Variants in SMARCD3 observed in about 807,000 individuals in gnomAD.
SMARCD3 encodes SWI/SNF-related matrix-associated actin-dependent regulator of chromatin subfamily D member 3.
Under a neutral mutation model 58.0 loss-of-function variants are expected in SMARCD3, and 14 were observed. The observed-to-expected ratio is 0.24, with a 90% confidence interval of 0.16 to 0.38. The LOEUF is 0.38. Ranked by LOEUF, SMARCD3 falls within the 10% of genes least tolerant of loss-of-function variation. The pLI, the probability that SMARCD3 is intolerant of heterozygous loss-of-function variation, is 1.00. For synonymous variants in SMARCD3, 253 were observed against 253.8 expected, an observed-to-expected ratio of 1.00 and a Z score of 0.03; for missense variants, 408 against 636.9, an observed-to-expected ratio of 0.64 and a Z score of 3.87.
At chr7:151,271,835 G>A (rs1268722559) in intron 2 of SMARCD3, among the ~76,000 whole-genome samples, 1 of 152,070 alleles carries the variant, frequency 6.6e-6, no homozygotes. Context: ...TGTGGCTTAC[G>A]CTTGTAGTCC....
chr7:151,273,145 CA>C (rs1473272758), intron 2 of SMARCD3, among the ~76,000 whole-genome samples: 1 of 152,218 alleles, frequency 6.6e-6, no homozygotes, highest in Non-Finnish European at 1.5e-5. Context: ...AATGCAACTC[CA>C]AGATAAGATG....
At chr7:151,250,603 C>A (rs73169671), upstream of SMARCD3, among the ~76,000 whole-genome samples, 11,470 of 151,818 alleles carry the variant, frequency 0.076, 578 homozygotes, top group Non-Finnish European at 0.11. Context: ...CCACTTCCTC[C>A]AGGAAGCCTT....
In SMARCD3 at chr7:151,246,615, C is replaced by G. The variant is rs769290473; in HGVS notation, c.79-944G>C. On this transcript the variant is annotated intron_variant, in intron 1 of 12. Coordinates refer to ENST00000262188, the MANE Select transcript of SMARCD3 (RefSeq NM_001003801.2). The surrounding 1 kb of genome is among the most constrained non-coding windows in gnomAD (Gnocchi z 4.4). ...CCACCTCCTCCTCTTCCCATCCCCA[C>G]CCCAGTGAGGTCAGCAGTCAGGGTT... Among the ~76,000 whole-genome samples, 1 of 152,162 alleles carries G rather than the reference C, an allele frequency of 6.6e-6. No homozygotes were observed. Among genetic ancestry groups the G allele is most frequent in the Non-Finnish European group, 1.5e-5 (1 of 68,026 alleles).
Position 151,238,955 on chromosome 7 carries a change from C to A in SMARCD3, c.*148G>T. 9.2e-7 allele frequency: 1 copy of A among 1,085,002 alleles called. No individual in the cohort carries two copies. Among genetic ancestry groups the A allele is most frequent in the Non-Finnish European group, 1.4e-6 (1 of 721,830 alleles). The allele number at this position is 1,085,002 out of a possible 1,614,324, so 67.2% of individuals were successfully genotyped here. On this transcript the variant is annotated 3_prime_UTR_variant, in exon 13 of 13. Transcript: ENST00000262188. ...CTCTCCCCCTCCCCTCCCCAGTTTC[C>A]AATGACCACACGGCTGCTGTCAGAT...
At chr7:151,240,316 C>A in intron 9 of SMARCD3, 69 bp from the exon 10 acceptor site, 1 of 1,606,692 alleles carries the variant, frequency 6.2e-7, no homozygotes, top group Non-Finnish European at 8.5e-7. Flanking sequence ...GGGGCTGGGG[C>A]AGATCCAACA....
Position 151,245,408 on chromosome 7 carries a change from TC to T in SMARCD3, c.290+51del. 2.8e-6 allele frequency: 2 copies of T among 703,012 alleles called. No homozygotes were observed. Among genetic ancestry groups the T allele is most frequent in the Non-Finnish European group, 3.9e-6 (2 of 506,788 alleles). The allele number at this position is 703,012 out of a possible 1,614,324, so 43.5% of individuals were successfully genotyped here. A position where few individuals can be genotyped will look rare whatever the true frequency, so the allele number is the denominator to read the frequency against. On this transcript the variant is annotated intron_variant, in intron 2 of 12. Transcript: ENST00000262188. The surrounding 1 kb of genome is among the most constrained non-coding windows in gnomAD (Gnocchi z 6.2). ...TACTCGCTTACCTGGTCCCTGCGGG[TC>T]CCCCAGGGCCCGCCCCTGCACGCCC...
At chr7:151,256,855 T>C (rs1235693268) in intron 2 of SMARCD3, among the ~76,000 whole-genome samples, 4 of 151,342 alleles carry the variant, frequency 2.6e-5, no homozygotes, top group Non-Finnish European at 5.9e-5. Context: ...TTCCTCCAGA[T>C]GAGCTATCTG....
chr7:151,253,401 G>C (rs1268195307), upstream of SMARCD3, among the ~76,000 whole-genome samples: 1 of 152,200 alleles, frequency 6.6e-6, no homozygotes, highest in Non-Finnish European at 1.5e-5. Context: ...CATCCAGACA[G>C]CAGGGTGGGC....
upstream of SMARCD3, among the ~76,000 whole-genome samples, chr7:151,249,971 C>G (rs1221723426): frequency 6.6e-6 from 1 of 151,528 alleles, no homozygotes; most frequent in East Asian, 1.9e-4. This position sits in a 1 kb window ranked among gnomAD's most constrained non-coding sequence, Gnocchi z 4.8. Flanking sequence ...GCCCTTGGGT[C>G]AAGTTTGGGG....
intron 2 of SMARCD3, among the ~76,000 whole-genome samples, chr7:151,258,368 C>T (rs1803773849): frequency 6.6e-6 from 1 of 152,014 alleles, no homozygotes; most frequent in Non-Finnish European, 1.5e-5. Flanking sequence ...AGTTCGAGAG[C>T]AGCCTGGCCA....
In SMARCD3 at chr7:151,239,801, GGGGAAAGGAAGCGGGT is replaced by G; in HGVS notation, c.1174-71_1174-56del. ...CTGGCTTTGGTGATGTGGGAGACGA[GGGGAAAGGAAGCGGGT>G]GGGAAGGGGAGGGAGAGGGGGTTTC... On this transcript the variant is annotated intron_variant, in intron 10 of 12. Transcript: ENST00000262188. The surrounding 1 kb of genome is among the most constrained non-coding windows in gnomAD (Gnocchi z 7.0). 6 of 1,597,534 alleles carry G rather than the reference GGGGAAAGGAAGCGGGT, an allele frequency of 3.8e-6. No homozygotes were observed. The highest frequency in any genetic ancestry group is 5.1e-6 in the Non-Finnish European group (6 of 1,166,762).
intron 2 of SMARCD3, among the ~76,000 whole-genome samples, chr7:151,244,274 C>T (rs1445647407): frequency 6.6e-6 from 1 of 152,168 alleles, no homozygotes; most frequent in African/African-American, 2.4e-5. Flanking sequence ...TACCTGGCAA[C>T]AGGGTGAGGG....
At chr7:151,266,431 A>G (rs1309964490) in intron 2 of SMARCD3, among the ~76,000 whole-genome samples, 1 of 152,136 alleles carries the variant, frequency 6.6e-6, no homozygotes, top group Admixed American at 6.5e-5. Flanking sequence ...CAGCTTTTGA[A>G]TATTAATTCT....
chr7:151,248,685 C>G lies in SMARCD3; in HGVS notation c.-123G>C, dbSNP rs534075489. 1.3e-5 allele frequency: 19 copies of G among 1,433,352 alleles called. No homozygotes were observed. The highest frequency in any genetic ancestry group is 1.7e-5 in the Non-Finnish European group (18 of 1,082,634). 88.8% of individuals were successfully genotyped at this position (1,433,352 alleles called of 1,614,324 possible). ...TGCTGGGCTCTCTCACACTTCTACT[C>G]GAGCGGAGTGGGGAGGGGGCCCCTT... is the stretch of plus-strand genomic sequence containing the variant. On this transcript the variant is annotated 5_prime_UTR_variant, in exon 1 of 13. Coordinates refer to ENST00000262188, the MANE Select transcript of SMARCD3 (RefSeq NM_001003801.2). This position sits in a 1 kb window ranked among gnomAD's most constrained non-coding sequence, Gnocchi z 6.1.
intron 2 of SMARCD3, among the ~76,000 whole-genome samples, chr7:151,262,974 C>T (rs926319761): frequency 3.0e-4 from 45 of 152,196 alleles, no homozygotes; most frequent in African/African-American, 1.0e-3. Context: ...AACAGGGAAG[C>T]CAGCACACAC....
At chr7:151,265,395 C>T (rs1563689905) in intron 2 of SMARCD3, among the ~76,000 whole-genome samples, 1 of 152,210 alleles carries the variant, frequency 6.6e-6, no homozygotes, top group Non-Finnish European at 1.5e-5. Context: ...AAGGAACCAA[C>T]CCCGCTGACA....
Position 151,239,714 on chromosome 7 carries a change from G to C in SMARCD3, c.1206C>G (p.Leu402=). The C allele has an allele frequency of 6.2e-7, 1 of 1,613,900 alleles. No homozygotes were observed. The change falls in exon 11 of 13, where the codon CTC becomes CTG. Residue 402 remains leucine, a synonymous_variant. Transcript: ENST00000262188. This position sits in a 1 kb window ranked among gnomAD's most constrained non-coding sequence, Gnocchi z 7.0. The stretch of plus-strand genomic sequence containing the variant: ...TTAGCATGAAGTCCCTCTGGATCTT[G>C]AGCTGGTTTATGGACTCAATCGTCT... ...IHETIESINQ[L]KIQRDFMLSF... is the part of the protein sequence containing the mutation.
chr7:151,256,696 C>T (rs1388207707), intron 2 of SMARCD3, among the ~76,000 whole-genome samples: 1 of 152,104 alleles, frequency 6.6e-6, no homozygotes, highest in African/African-American at 2.4e-5. Context: ...GAGTTTTTTG[C>T]AGCTTCTCCC....
chr7:151,257,205 C>T (rs1803730002), intron 2 of SMARCD3, among the ~76,000 whole-genome samples: 2 of 151,444 alleles, frequency 1.3e-5, no homozygotes, highest in African/African-American at 4.9e-5. Flanking sequence ...GAAACAATCT[C>T]TCTTAACCCT....
Sources: allele counts gnomAD v4.1 joint callset (sites outside exome capture counted in the v4.1 genomes callset), GRCh38; gene constraint gnomAD v4.1.1; non-coding constraint Gnocchi (gnomAD v3.1); transcripts MANE v1.5; gene names NCBI Gene and HGNC (gene_info 2026-07-23, HGNC 2026-07-21).